Variants in PCMTD1 observed in about 807,000 individuals in gnomAD.
The protein encoded by PCMTD1 is protein-L-isoaspartate (D-aspartate) O-methyltransferase domain containing 1, also known as protein-L-isoaspartate O-methyltransferase domain-containing protein 1.
In PCMTD1, 12 loss-of-function variants were observed where a neutral mutation model predicts 37.6. The ratio of observed to expected loss-of-function variants is 0.32; its 90% CI spans 0.20 to 0.52. The LOEUF is 0.52. PCMTD1 is among the 20% of genes least tolerant of loss of function. PCMTD1 has a pLI of 0.97. For missense variants in PCMTD1, 235 were observed against 421.3 expected, an observed-to-expected ratio of 0.56 and a Z score of 3.87; for synonymous variants, 117 against 135.8, an observed-to-expected ratio of 0.86 and a Z score of 0.96.
chr8:51,831,443 C>T lies in PCMTD1; in HGVS notation c.706+1G>A, dbSNP rs762121365. 2.5e-6 allele frequency: 4 copies of T among 1,612,062 alleles called. No homozygotes were observed. The highest frequency in any genetic ancestry group is 2.2e-5 in the East Asian group (1 of 44,832). ...ATCAGAAAATATGAAGAGCTACTTA[C>T]GGAGTCCCACAGAATCTGGTTTGCC... On this transcript the variant is annotated splice_donor_variant, in intron 5 of 5. Coordinates refer to ENST00000522514, the MANE Select transcript of PCMTD1 (RefSeq NM_052937.4). LOFTEE classifies it high-confidence loss of function.
At chr8:51,867,708 A>G (rs2038577668) in intron 1 of PCMTD1, among the ~76,000 whole-genome samples, 1 of 152,006 alleles carries the variant, frequency 6.6e-6, no homozygotes, top group Admixed American at 6.6e-5. Context: ...AAGACATAAG[A>G]CAGGCATGGA....
At chr8:51,881,491 C>T (rs1046828379) in intron 1 of PCMTD1, among the ~76,000 whole-genome samples, 1 of 152,076 alleles carries the variant, frequency 6.6e-6, no homozygotes. Flanking sequence ...TAATCCCATC[C>T]CATTAGACAA....
Position 51,818,230 on chromosome 8 carries a change from TTAAAAACA to T in PCMTD1, c.*2113_*2120del, listed in dbSNP as rs1285052486. Reference sequence around the variant, plus strand: ...ACTCACAAGTGTAAAATGAATGCATTTAAAAACATAAAAGATACATTTCAATGACAAGA... The same window carrying T: ...ACTCACAAGTGTAAAATGAATGCATTTAAAAGATACATTTCAATGACAAGA... On this transcript the variant is annotated 3_prime_UTR_variant, in exon 6 of 6. Transcript: ENST00000522514. 3.5e-6 allele frequency: 1 copy of T among 289,544 alleles called. No homozygotes were observed. Among genetic ancestry groups the T allele is most frequent in the Non-Finnish European group, 6.7e-6 (1 of 149,622 alleles). 17.9% of individuals were successfully genotyped at this position (289,544 alleles called of 1,614,324 possible). A position where few individuals can be genotyped will look rare whatever the true frequency, so the allele number is the denominator to read the frequency against.
At chr8:51,844,689 A>C (rs542598496) in intron 3 of PCMTD1, 2 of 152,268 alleles carry the variant, frequency 1.3e-5, no homozygotes, top group Non-Finnish European at 2.9e-5. Context: ...CATTCCTCTG[A>C]AGATATTCAC....
chr8:51,823,040 T>C (rs1401445581), intron 5 of PCMTD1, among the ~76,000 whole-genome samples: 1 of 152,236 alleles, frequency 6.6e-6, no homozygotes, highest in Non-Finnish European at 1.5e-5. Flanking sequence ...CTTTCAATCC[T>C]AAATCATCAG....
intron 1 of PCMTD1, among the ~76,000 whole-genome samples, chr8:51,874,873 C>T (rs1191641463): frequency 6.6e-6 from 1 of 152,116 alleles, no homozygotes; most frequent in Admixed American, 6.6e-5. Flanking sequence ...GATTCAGGGA[C>T]CATACTCCAG....
intron 5 of PCMTD1, among the ~76,000 whole-genome samples, chr8:51,825,108 C>G (rs1267630525): frequency 6.6e-6 from 1 of 152,130 alleles, no homozygotes; most frequent in Non-Finnish European, 1.5e-5. Context: ...AAAACCTAGG[C>G]AATACCATTC....
rs2037777638 is a variant in PCMTD1, at chr8:51,817,659, T to C, written c.*2692A>G. On this transcript the variant is annotated 3_prime_UTR_variant, in exon 6 of 6. Coordinates refer to ENST00000522514, the MANE Select transcript of PCMTD1 (RefSeq NM_052937.4). ...TTTAACAGGCTTTGCTTCACTTTTA[T>C]CATCTCAAACAGCTATAAATCAACA... 1 of 212,154 alleles carries C rather than the reference T, an allele frequency of 4.7e-6. No individual in the cohort carries two copies. 13.1% of individuals were successfully genotyped at this position (212,154 alleles called of 1,614,324 possible). A position where few individuals can be genotyped will look rare whatever the true frequency, so the allele number is the denominator to read the frequency against.
chr8:51,821,477 G>C (rs2037847603), intron 5 of PCMTD1, among the ~76,000 whole-genome samples: 1 of 151,994 alleles, frequency 6.6e-6, no homozygotes, highest in Non-Finnish European at 1.5e-5. Context: ...CATCTGCTCT[G>C]CCCATCTTCC....
intron 3 of PCMTD1, chr8:51,839,766 TAGAGA>T: frequency 3.0e-6 from 1 of 327,904 alleles, no homozygotes; most frequent in Non-Finnish European, 4.4e-6. Flanking sequence ...TCCAGTGGAA[TAGAGA>T]AATTTCAAGG....
chr8:51,898,060 G>C (rs187155967), intron 1 of PCMTD1, among the ~76,000 whole-genome samples: 1 of 152,158 alleles, frequency 6.6e-6, no homozygotes, highest in African/African-American at 2.4e-5. Context: ...TTGTTTGGCT[G>C]CTTCATGTTT....
chr8:51,851,472 A>G (rs543257086), intron 2 of PCMTD1, among the ~76,000 whole-genome samples: 5 of 152,286 alleles, frequency 3.3e-5, no homozygotes, highest in Non-Finnish European at 5.9e-5. Flanking sequence ...TTTCTACACA[A>G]TGTACTAATA....
chr8:51,885,947 T>C (rs752067839), intron 1 of PCMTD1, among the ~76,000 whole-genome samples: 4 of 152,212 alleles, frequency 2.6e-5, no homozygotes, highest in Non-Finnish European at 4.4e-5. Flanking sequence ...CTTTAACAAC[T>C]AGTGAGCATT....
intron 3 of PCMTD1, among the ~76,000 whole-genome samples, chr8:51,844,000 T>C (rs572754226): frequency 2.6e-4 from 39 of 152,198 alleles, no homozygotes; most frequent in Non-Finnish European, 5.1e-4. Context: ...TCTGTGTACA[T>C]GAAGTTTCAA....
At chr8:51,878,909 G>C (rs2038752958) in intron 1 of PCMTD1, among the ~76,000 whole-genome samples, 1 of 152,174 alleles carries the variant, frequency 6.6e-6, no homozygotes, top group Non-Finnish European at 1.5e-5. Context: ...AGGACTGCTT[G>C]AGCCCAGGAG....
rs1425437587 is a variant in PCMTD1, at chr8:51,818,486, C to G, written c.*1865G>C. On this transcript the variant is annotated 3_prime_UTR_variant, in exon 6 of 6. Coordinates refer to ENST00000522514, the MANE Select transcript of PCMTD1 (RefSeq NM_052937.4). Reference sequence around the variant, plus strand: ...GGTTTTCCAGATAAAAACATGTGGTCACCAGGAATTCAAGGTAACTAGGTA... The same window carrying G: ...GGTTTTCCAGATAAAAACATGTGGTGACCAGGAATTCAAGGTAACTAGGTA... The G allele has an allele frequency of 2.0e-5, 3 of 152,034 alleles. No individual in the cohort carries two copies. The highest frequency in any genetic ancestry group is 2.9e-5 in the Non-Finnish European group (2 of 68,376). The allele number at this position is 152,034 out of a possible 1,614,324, so 9.4% of individuals were successfully genotyped here. A position where few individuals can be genotyped will look rare whatever the true frequency, so the allele number is the denominator to read the frequency against.
intron 1 of PCMTD1, among the ~76,000 whole-genome samples, chr8:51,862,885 G>A (rs1234370760): frequency 6.6e-6 from 1 of 152,094 alleles, no homozygotes. Flanking sequence ...AAATATATAA[G>A]TACAAGGGCT....
chr8:51,832,338 T>A (rs2038009551), intron 4 of PCMTD1, among the ~76,000 whole-genome samples: 1 of 152,226 alleles, frequency 6.6e-6, no homozygotes, highest in Non-Finnish European at 1.5e-5. Context: ...AACATTTCCA[T>A]GAACTTTTAA....
At position 51,875,962 on chromosome 8, in the gene PCMTD1, CTGTG is replaced by C. The variant is rs982300718; in HGVS notation, c.-95-14720_-95-14717del. Among the ~76,000 whole-genome samples, 116 of 86,740 alleles carry C rather than the reference CTGTG, an allele frequency of 1.3e-3. 1 individual carries two copies. Among genetic ancestry groups the C allele is most frequent in the East Asian group, 3.2e-3 (9 of 2,786 alleles). 56.9% of individuals were successfully genotyped at this position (86,740 alleles called of 152,430 possible). A position where few individuals can be genotyped will look rare whatever the true frequency, so the allele number is the denominator to read the frequency against. ...TGTTTGTGTGTGTGTGTGTGTGTGT[CTGTG>C]TGTGTGTGTGTGCATGTGCGTGCAC... On this transcript the variant is annotated intron_variant, in intron 1 of 5. Coordinates refer to ENST00000522514, the MANE Select transcript of PCMTD1 (RefSeq NM_052937.4).
Sources: allele counts gnomAD v4.1 joint callset (sites outside exome capture counted in the v4.1 genomes callset), GRCh38; gene constraint gnomAD v4.1.1; transcripts MANE v1.5; gene names NCBI Gene and HGNC (gene_info 2026-07-23, HGNC 2026-07-21).